Variants in RGS9 observed in about 807,000 individuals in gnomAD.
RGS9 encodes regulator of G protein signaling 9.
RGS9 carries 78 observed loss-of-function variants against 102.0 expected under a neutral mutation model. The observed-to-expected ratio is 0.76, with a 90% CI of 0.64 to 0.92. The LOEUF is 0.92. Among genes scored for constraint, RGS9 ranks in the 40% least tolerant of loss-of-function variants. The pLI is 0.00. For synonymous variants in RGS9, 353 were observed against 318.6 expected, an observed-to-expected ratio of 1.11 and a Z score of -1.15; for missense variants, 833 against 866.1, an observed-to-expected ratio of 0.96 and a Z score of 0.48.
At chr17:65,177,099 A>C in intron 8 of RGS9, among the ~76,000 whole-genome samples, 1 of 134,132 alleles carries the variant, frequency 7.5e-6, no homozygotes, top group South Asian at 2.4e-4. Context: ...CCATCCTTCC[A>C]TCCCTCCATT....
intron 11 of RGS9, among the ~76,000 whole-genome samples, chr17:65,192,254 A>G (rs568021595): frequency 6.6e-6 from 1 of 152,306 alleles, no homozygotes; most frequent in Admixed American, 6.5e-5. Flanking sequence ...TATATAAAGT[A>G]AAACAGAGGT....
intron 15 of RGS9, among the ~76,000 whole-genome samples, chr17:65,206,157 T>C (rs1188080109): frequency 6.6e-6 from 1 of 152,208 alleles, no homozygotes; most frequent in East Asian, 1.9e-4. Flanking sequence ...CTATTTAGTC[T>C]TTTATTGTAT....
intron 1 of RGS9, 147 bp from the exon 2 acceptor site, chr17:65,153,275 C>G: frequency 1.3e-6 from 1 of 762,392 alleles, no homozygotes; most frequent in South Asian, 1.4e-5. Flanking sequence ...ATTAGAGTCA[C>G]TCAGTGCCCA....
chr17:65,182,772 G>A (rs536464077), intron 9 of RGS9, among the ~76,000 whole-genome samples: 72 of 152,234 alleles, frequency 4.7e-4, no homozygotes, highest in African/African-American at 1.6e-3. Context: ...CAAGGCCTAC[G>A]TCCTGCACCC....
intron 13 of RGS9, among the ~76,000 whole-genome samples, chr17:65,200,761 T>G (rs1338271775): frequency 6.6e-6 from 1 of 152,228 alleles, no homozygotes; most frequent in Non-Finnish European, 1.5e-5. Context: ...TGGATTTTTT[T>G]TTCAGTAAAT....
intron 8 of RGS9, among the ~76,000 whole-genome samples, chr17:65,176,245 G>A (rs1336460017): frequency 2.6e-5 from 4 of 152,166 alleles, no homozygotes; most frequent in African/African-American, 9.7e-5. Flanking sequence ...GCTGGCAAAG[G>A]GAACTAACAG....
chr17:65,141,906 G>A (rs1255958085), intron 1 of RGS9, among the ~76,000 whole-genome samples: 1 of 152,234 alleles, frequency 6.6e-6, no homozygotes, highest in Non-Finnish European at 1.5e-5. Flanking sequence ...TGGGAGAGCT[G>A]GCCCCAAGTG....
intron 12 of RGS9, among the ~76,000 whole-genome samples, chr17:65,196,744 T>C (rs1912601909): frequency 6.6e-6 from 1 of 152,208 alleles, no homozygotes; most frequent in African/African-American, 2.4e-5. Context: ...CCATCACCAA[T>C]GCTGCTCCAG....
At chr17:65,175,445 T>C (rs1192504357) in intron 8 of RGS9, among the ~76,000 whole-genome samples, 1 of 152,156 alleles carries the variant, frequency 6.6e-6, no homozygotes, top group African/African-American at 2.4e-5. Flanking sequence ...TTAGATCCCA[T>C]GGTGTTATCC....
intron 9 of RGS9, among the ~76,000 whole-genome samples, chr17:65,183,763 C>T (rs1911993500): frequency 6.6e-6 from 1 of 152,164 alleles, no homozygotes; most frequent in Non-Finnish European, 1.5e-5. Context: ...AGTTTCTCTG[C>T]AGATACCTGC....
intron 1 of RGS9, among the ~76,000 whole-genome samples, chr17:65,151,136 G>A (rs1489848547): frequency 1.3e-5 from 2 of 152,172 alleles, no homozygotes; most frequent in African/African-American, 4.8e-5. Flanking sequence ...CTTGAGGTCA[G>A]GAGTTTGAGA....
Position 65,225,013 on chromosome 17 carries a change from C to G in RGS9, c.1419C>G (p.His473Gln), listed in dbSNP as rs779715648. Residue 473 changes from histidine to glutamine, a missense_variant, in exon 18 of 19, where the codon CAC (histidine) becomes CAG (glutamine). His to Gln is a conservative substitution (Grantham distance 24, BLOSUM62 0). Coordinates refer to ENST00000262406, the MANE Select transcript of RGS9 (RefSeq NM_003835.4). The part of the protein sequence containing the change: ...NTVDITQPGQ[H>Q]MAPSPHLTVY... ...TTCCTTCTCTACAGCCGGGCCAGCA[C>G]ATGGCTCCCAGCCCCCATCTGACCG... 6.2e-7 allele frequency: 1 copy of G among 1,613,964 alleles called. No homozygotes were observed. The highest frequency in any genetic ancestry group is 8.5e-7 in the Non-Finnish European group (1 of 1,180,020).
intron 15 of RGS9, among the ~76,000 whole-genome samples, chr17:65,204,570 G>A (rs1912977457): frequency 6.6e-6 from 1 of 152,050 alleles, no homozygotes; most frequent in Non-Finnish European, 1.5e-5. Context: ...GAGAGAGAAA[G>A]AGAAAAACCC....
intron 17 of RGS9, among the ~76,000 whole-genome samples, chr17:65,223,502 G>T (rs1453150550): frequency 3.9e-5 from 6 of 152,362 alleles, no homozygotes; most frequent in African/African-American, 1.4e-4. Context: ...GCCCTTCCCT[G>T]TTCAGGCTGG....
Position 65,163,046 on chromosome 17 carries a change from T to C in RGS9, c.457T>C (p.Tyr153His). 4.4e-6 allele frequency: 7 copies of C among 1,604,018 alleles called. No homozygotes were observed. Among genetic ancestry groups the C allele is most frequent in the Non-Finnish European group, 5.1e-6 (6 of 1,171,194 alleles). Residue 153 changes from tyrosine to histidine, a missense_variant, in exon 7 of 19, where the codon TAT becomes CAT. Transcript: ENST00000262406. ...NYNFLNQKMN[Y>H]KWDFVIMQAK... is the part of the protein sequence containing the mutation. ...CAATTTCTTGAACCAAAAAATGAAC[T>C]ATAAGTGGGACTTTGTCATTATGCA...
At chr17:65,162,289 G>C (rs1469916750) in intron 6 of RGS9, among the ~76,000 whole-genome samples, 1 of 152,038 alleles carries the variant, frequency 6.6e-6, no homozygotes, top group African/African-American at 2.4e-5. Context: ...TACTGAGGCA[G>C]GAGAATGGCT....
In RGS9 at chr17:65,207,982, G is replaced by A; in HGVS notation, c.1264G>A (p.Glu422Lys). 6.2e-7 allele frequency: 1 copy of A among 1,612,896 alleles called. No individual in the cohort carries two copies. The highest frequency in any genetic ancestry group is 8.5e-7 in the Non-Finnish European group (1 of 1,179,110). ...TAAGGACATGCTGGCCAAAGCTATT[G>A]AACCTCAGGAAACCACCAAGAAAAG... ...IYKDMLAKAIEPQETTKKSST... is the reference protein window; with the variant it reads ...IYKDMLAKAIKPQETTKKSST... The change falls in exon 16 of 19, where the codon GAA becomes AAA. Residue 422 changes from glutamate (E) to lysine (K), a missense_variant. Coordinates refer to ENST00000262406, the MANE Select transcript of RGS9 (RefSeq NM_003835.4).
intron 18 of RGS9, among the ~76,000 whole-genome samples, chr17:65,226,062 C>G (rs1230463761): frequency 6.6e-6 from 1 of 152,198 alleles, no homozygotes; most frequent in Admixed American, 6.5e-5. Flanking sequence ...TGAGGGGGGG[C>G]CCCTCTAAAC....
chr17:65,225,723 AT>A (rs1345191422), intron 18 of RGS9: 2 of 581,624 alleles, frequency 3.4e-6, no homozygotes, highest in Non-Finnish European at 3.0e-6. Context: ...AATCTTTTCC[AT>A]TTTTCCAAAT....
Sources: allele counts gnomAD v4.1 joint callset (sites outside exome capture counted in the v4.1 genomes callset), GRCh38; gene constraint gnomAD v4.1.1; transcripts MANE v1.5; gene names NCBI Gene and HGNC (gene_info 2026-07-23, HGNC 2026-07-21).